Variants in SPOCK1 observed in about 807,000 individuals in gnomAD.
SPOCK1 encodes the protein SPARC (osteonectin), cwcv and kazal like domains proteoglycan 1.
Under a neutral mutation model 55.3 loss-of-function variants are expected in SPOCK1, and 23 were observed. The ratio of observed to expected loss-of-function variants is 0.42; its 90% confidence interval spans 0.30 to 0.59. The LOEUF is 0.59. Ranked by LOEUF, SPOCK1 falls within the 20% of genes least tolerant of loss-of-function variation. The probability of loss-of-function intolerance (pLI) is 0.22; values close to 1 mark genes in which losing one functional copy is unlikely to be tolerated. For missense variants in SPOCK1, 499 were observed against 552.5 expected (o/e 0.90, Z 0.97); for synonymous variants, 226 against 221.0 (o/e 1.02, Z -0.20).
chr5:137,014,583 T>C (rs1751415424), intron 6 of SPOCK1, among the ~76,000 whole-genome samples: 1 of 152,176 alleles, frequency 6.6e-6, no homozygotes, highest in African/African-American at 2.4e-5. Flanking sequence ...GCCCAGATTG[T>C]AAGTATCCAG....
chr5:137,226,845 T>C (rs979431410), intron 3 of SPOCK1, among the ~76,000 whole-genome samples: 1 of 152,236 alleles, frequency 6.6e-6, no homozygotes, highest in Admixed American at 6.5e-5. Context: ...ATAGTAATCA[T>C]GTTGCTGATA....
intron 2 of SPOCK1, among the ~76,000 whole-genome samples, chr5:137,423,599 C>A (rs1752548090): frequency 6.6e-6 from 1 of 152,298 alleles, no homozygotes; most frequent in Non-Finnish European, 1.5e-5. Context: ...GGGATATAAT[C>A]TCCTGGGGTG....
At chr5:137,236,132 T>G (rs915440986) in intron 3 of SPOCK1, among the ~76,000 whole-genome samples, 3 of 152,244 alleles carry the variant, frequency 2.0e-5, no homozygotes, top group Non-Finnish European at 2.9e-5. Context: ...ATCCCAGAAT[T>G]TTCTGCCCAA....
At chr5:137,089,131 C>T (rs1353796015) in intron 5 of SPOCK1, among the ~76,000 whole-genome samples, 1 of 152,102 alleles carries the variant, frequency 6.6e-6, no homozygotes, top group Admixed American at 6.5e-5. Flanking sequence ...GAGGAGGGGG[C>T]TTGTGCCTGG....
intron 2 of SPOCK1, among the ~76,000 whole-genome samples, chr5:137,348,933 T>C (rs7714656): frequency 0.44 from 66,450 of 152,024 alleles, 14,909 homozygotes; most frequent in East Asian, 0.59. Flanking sequence ...CTGCCCTCCT[T>C]GCCCTAAGCC....
chr5:137,465,006 G>T (rs1284890071), intron 2 of SPOCK1, among the ~76,000 whole-genome samples: 4 of 152,118 alleles, frequency 2.6e-5, no homozygotes. Context: ...AGATATCAGA[G>T]AGAACGTGCA....
chr5:137,202,350 T>C (rs968370297), intron 3 of SPOCK1, among the ~76,000 whole-genome samples: 3 of 152,214 alleles, frequency 2.0e-5, no homozygotes, highest in Admixed American at 2.0e-4. Context: ...TAATACACAA[T>C]TTTTTGAATG....
chr5:137,205,686 C>T (rs528384459), intron 3 of SPOCK1, among the ~76,000 whole-genome samples: 49 of 152,302 alleles, frequency 3.2e-4, no homozygotes, highest in African/African-American at 1.1e-3. Context: ...TCACAGCCAC[C>T]ACTGAAGGTC....
chr5:137,187,249 C>A (rs566365266), intron 3 of SPOCK1, among the ~76,000 whole-genome samples: 58 of 152,284 alleles, frequency 3.8e-4, no homozygotes, highest in African/African-American at 1.4e-3. Context: ...GCTCCAGGCT[C>A]ATCTGTCAGC....
chr5:137,460,469 T>C (rs1753460931), intron 2 of SPOCK1, among the ~76,000 whole-genome samples: 2 of 152,086 alleles, frequency 1.3e-5, no homozygotes, highest in African/African-American at 4.8e-5. Context: ...CAGCAGCCGC[T>C]CCCTGCCCTC....
At chr5:137,187,730 T>G (rs116310269) in intron 3 of SPOCK1, among the ~76,000 whole-genome samples, 2 of 152,090 alleles carry the variant, frequency 1.3e-5, no homozygotes, top group East Asian at 3.9e-4. Flanking sequence ...CCATTAAAAT[T>G]CAATATGTTA....
Position 137,342,386 on chromosome 5 carries a change from C to T in SPOCK1, c.187-75331G>A, listed in dbSNP as rs141090288. 7.9e-5 allele frequency among the ~76,000 whole-genome samples: 12 copies of T among 152,254 alleles called. No individual in the cohort carries two copies. In the East Asian group the frequency reaches 2.1e-3, roughly 27 times the overall value. On this transcript the variant is annotated intron_variant, in intron 2 of 10. Coordinates refer to ENST00000394945, the MANE Select transcript of SPOCK1 (RefSeq NM_004598.4). Reference sequence around the variant, plus strand: ...CTTGTCTTGGGCATTTCTTTCAGCTCACCCCATGGAATCGGTCACTATGAA... The same window carrying T: ...CTTGTCTTGGGCATTTCTTTCAGCTTACCCCATGGAATCGGTCACTATGAA...
chr5:137,488,870 G>T (rs779708060), intron 2 of SPOCK1, among the ~76,000 whole-genome samples: 9 of 152,042 alleles, frequency 5.9e-5, no homozygotes, highest in Non-Finnish European at 1.3e-4. Context: ...ACACAGGAAG[G>T]GTTTCAGAAG....
chr5:137,409,433 G>A (rs939840405), intron 2 of SPOCK1, among the ~76,000 whole-genome samples: 3 of 152,148 alleles, frequency 2.0e-5, no homozygotes, highest in African/African-American at 7.2e-5. Context: ...ATCTGGAGGA[G>A]GAAGTCTGGC....
chr5:137,255,202 C>T (rs1756610500), intron 3 of SPOCK1, among the ~76,000 whole-genome samples: 1 of 152,140 alleles, frequency 6.6e-6, no homozygotes, highest in African/African-American at 2.4e-5. Context: ...GGAACACGGG[C>T]CACCCTGACA....
chr5:137,054,747 A>G (rs754725077), intron 6 of SPOCK1, among the ~76,000 whole-genome samples: 1 of 152,264 alleles, frequency 6.6e-6, no homozygotes, highest in African/African-American at 2.4e-5. Flanking sequence ...CACTAATTTA[A>G]TCTAGATATT....
intron 2 of SPOCK1, among the ~76,000 whole-genome samples, chr5:137,361,017 G>A (rs940910278): frequency 1.3e-5 from 2 of 152,120 alleles, no homozygotes; most frequent in Non-Finnish European, 2.9e-5. Flanking sequence ...TGAAGTGTTC[G>A]GGAGGTAATT....
chr5:137,137,847 C>T (rs915065922), intron 4 of SPOCK1, among the ~76,000 whole-genome samples: 3 of 152,056 alleles, frequency 2.0e-5, no homozygotes, highest in Non-Finnish European at 4.4e-5. Flanking sequence ...GCTGACCTTC[C>T]GAAATGAAGT....
intron 3 of SPOCK1, among the ~76,000 whole-genome samples, chr5:137,222,221 A>G (rs1755869689): frequency 6.6e-6 from 1 of 152,164 alleles, no homozygotes; most frequent in Non-Finnish European, 1.5e-5. Context: ...CACTAAGAAG[A>G]TCTGTTTAAG....
Sources: gnomAD v4.1 joint callset for allele counts (sites outside exome capture counted in the v4.1 genomes callset) on GRCh38, gnomAD v4.1.1 for gene constraint, MANE v1.5 for transcripts, NCBI Gene and HGNC (gene_info 2026-07-23, HGNC 2026-07-21) for gene names.